The following PPA2 variants were observed in gnomAD, a reference collection of about 807,000 sequenced individuals.
PPA2 encodes the protein inorganic pyrophosphatase 2, mitochondrial.
PPA2 carries 48 observed loss-of-function variants against 49.5 expected under a neutral mutation model. The observed-to-expected ratio is 0.97, with a 90% confidence interval of 0.77 to 1.23. The LOEUF is 1.23. Ranked by LOEUF, PPA2 falls within the 50% of genes most tolerant of loss-of-function variation. The pLI, the probability that PPA2 is intolerant of heterozygous loss-of-function variation, is 0.00. For synonymous variants in PPA2, 131 were observed against 139.9 expected (o/e 0.94, Z 0.45); for missense variants, 429 against 410.1 (o/e 1.05, Z -0.40).
chr4:105,473,726 C>T (rs1395376568), intron 1 of PPA2, 168 bp downstream of exon 1: 3 of 1,048,326 alleles, frequency 2.9e-6, no homozygotes, highest in South Asian at 1.3e-5. Context: ...TCTCGTGACT[C>T]GGTGCGCGCT....
chr4:105,435,253 A>T (rs1390754696), intron 6 of PPA2, among the ~76,000 whole-genome samples: 1 of 152,166 alleles, frequency 6.6e-6, no homozygotes, highest in East Asian at 1.9e-4. Flanking sequence ...GATGGTAGTC[A>T]TATATTTATT....
chr4:105,454,371 A>G (rs1335301759), intron 2 of PPA2, among the ~76,000 whole-genome samples: 1 of 151,960 alleles, frequency 6.6e-6, no homozygotes, highest in Admixed American at 6.6e-5. Flanking sequence ...TCTGTCGCCC[A>G]GGCTGGTGGA....
intron 5 of PPA2, among the ~76,000 whole-genome samples, chr4:105,443,216 G>C (rs1208417896): frequency 6.6e-6 from 1 of 152,034 alleles, no homozygotes; most frequent in Admixed American, 6.6e-5. Flanking sequence ...ATGAGTTAAA[G>C]GCAACCTAAG....
chr4:105,370,652 C>T (rs1732986446), intron 11 of PPA2, 185 bp downstream of exon 11: 2 of 956,220 alleles, frequency 2.1e-6, no homozygotes, highest in Middle Eastern at 5.3e-4. Context: ...TAAATGCATT[C>T]TCCTTATTTT....
chr4:105,417,033 T>G (rs912774575), intron 7 of PPA2, among the ~76,000 whole-genome samples: 4 of 152,230 alleles, frequency 2.6e-5, no homozygotes, highest in Admixed American at 2.0e-4. Flanking sequence ...AGTTTACAAG[T>G]AATTTCACAT....
At chr4:105,417,693 C>T (rs1723076865) in intron 7 of PPA2, among the ~76,000 whole-genome samples, 1 of 152,106 alleles carries the variant, frequency 6.6e-6, no homozygotes, top group South Asian at 2.1e-4. Flanking sequence ...CAACCCATCC[C>T]TACATACCTA....
At chr4:105,466,210 A>ACACC (rs1003887850) in intron 1 of PPA2, among the ~76,000 whole-genome samples, 1 of 152,124 alleles carries the variant, frequency 6.6e-6, no homozygotes, top group Admixed American at 6.6e-5. Flanking sequence ...GTAATAGAGA[A>ACACC]CACCCACTTG....
At chr4:105,435,158 A>G (rs1352274515) in intron 6 of PPA2, among the ~76,000 whole-genome samples, 4 of 151,760 alleles carry the variant, frequency 2.6e-5, no homozygotes, top group East Asian at 1.9e-4. Context: ...TCCTACCACT[A>G]TGTTTCTTAC....
Position 105,406,501 on chromosome 4 carries a change from A to T in PPA2, c.656-7337T>A, listed in dbSNP as rs181363557. Among the ~76,000 whole-genome samples, 9 of 152,316 alleles carry T rather than the reference A, an allele frequency of 5.9e-5. No individual in the cohort carries two copies. In the East Asian group the frequency reaches 1.7e-3, roughly 29 times the overall value. On this transcript the variant is annotated intron_variant, in intron 7 of 11. Coordinates refer to ENST00000341695, the MANE Select transcript of PPA2 (RefSeq NM_176869.3). ...ATAAATACAAACAAAAGGAAACCTTAGCTTATCAAAGAAAAAAAAATTTCT... is the reference window on the plus strand; with the variant it reads ...ATAAATACAAACAAAAGGAAACCTTTGCTTATCAAAGAAAAAAAAATTTCT...
chr4:105,419,389 T>A (rs769261634), intron 7 of PPA2, among the ~76,000 whole-genome samples: 4 of 152,158 alleles, frequency 2.6e-5, no homozygotes, highest in Non-Finnish European at 4.4e-5. Context: ...CTCCCACCTA[T>A]GAGTGAGAAC....
intron 7 of PPA2, among the ~76,000 whole-genome samples, chr4:105,423,863 T>C (rs572256302): frequency 6.6e-6 from 1 of 152,248 alleles, no homozygotes; most frequent in East Asian, 1.9e-4. Flanking sequence ...CGTATGCTTT[T>C]ATTCCTAGTC....
chr4:105,433,507 G>A (rs1178960805), intron 6 of PPA2, among the ~76,000 whole-genome samples: 2 of 152,204 alleles, frequency 1.3e-5, no homozygotes. Context: ...CCTCTGAACT[G>A]ATATTGGTGC....
chr4:105,467,618 G>A (rs1454623075), intron 1 of PPA2, among the ~76,000 whole-genome samples: 2 of 152,200 alleles, frequency 1.3e-5, no homozygotes, highest in Non-Finnish European at 2.9e-5. Flanking sequence ...AGGGCTAAGG[G>A]TGGAAGCAGG....
At chr4:105,444,869 CAT>C (rs993886206) in intron 5 of PPA2, among the ~76,000 whole-genome samples, 3 of 152,150 alleles carry the variant, frequency 2.0e-5, no homozygotes, top group African/African-American at 4.8e-5. Flanking sequence ...TTGATTACTA[CAT>C]GTTACACACT....
intron 7 of PPA2, among the ~76,000 whole-genome samples, chr4:105,419,428 C>T (rs1434935137): frequency 1.2e-4 from 19 of 152,066 alleles, no homozygotes; most frequent in African/African-American, 1.9e-4. Context: ...TGTTAATGAG[C>T]CTGCTGAAGT....
intron 3 of PPA2, among the ~76,000 whole-genome samples, chr4:105,450,042 T>A (rs1412275372): frequency 6.7e-6 from 1 of 149,988 alleles, no homozygotes; most frequent in Non-Finnish European, 1.5e-5. Context: ...TGGCTTCACT[T>A]TTTTTTTTTA....
intron 7 of PPA2, chr4:105,405,173 G>A (rs1722403462): frequency 1.5e-6 from 1 of 653,242 alleles, no homozygotes; most frequent in Non-Finnish European, 1.9e-6. Flanking sequence ...AATATTGACA[G>A]TTATTTTAAT....
At chr4:105,446,321 G>C in intron 5 of PPA2, 62 bp downstream of exon 5, 1 of 1,490,926 alleles carries the variant, frequency 6.7e-7, no homozygotes. Context: ...GTAGTTCACA[G>C]GATTTATAAG....
chr4:105,441,339 T>C (rs924036126), intron 5 of PPA2, among the ~76,000 whole-genome samples: 3 of 151,994 alleles, frequency 2.0e-5, no homozygotes, highest in Non-Finnish European at 2.9e-5. Flanking sequence ...ACTTATAAAT[T>C]AAGAAAAGAT....
Sources: gnomAD v4.1 joint callset for allele counts (sites outside exome capture counted in the v4.1 genomes callset) on GRCh38, gnomAD v4.1.1 for gene constraint, MANE v1.5 for transcripts, NCBI Gene and HGNC (gene_info 2026-07-23, HGNC 2026-07-21) for gene names.